Variants in LRP1B observed in about 807,000 individuals in gnomAD.
The protein encoded by LRP1B is low-density lipoprotein receptor-related protein 1B.
LRP1B carries 217 observed loss-of-function variants against 556.6 expected under a neutral mutation model. That is an observed-to-expected ratio of 0.39 (90% CI 0.35 to 0.44). LRP1B has a LOEUF of 0.44. Among genes scored for constraint, LRP1B ranks in the 20% least tolerant of loss-of-function variants. LRP1B has a pLI of 1.00. For missense variants in LRP1B, 5,053 were observed against 5,620.8 expected, an observed-to-expected ratio of 0.90 and a Z score of 3.23; for synonymous variants, 2,047 against 1,865.8, an observed-to-expected ratio of 1.10 and a Z score of -2.50.
chr2:141,991,190 T>C lies in LRP1B; in HGVS notation c.82+139458A>G, dbSNP rs575260302. 2.4e-4 allele frequency among the ~76,000 whole-genome samples: 36 copies of C among 152,174 alleles called. 2 individuals are homozygous for C. The highest frequency in any genetic ancestry group is 6.8e-3 in the Middle Eastern group (2 of 294). ...TTATGTTTATAGATCTTTTGGTCAT[T>C]ATGTAAATGTATTTGTAACACAAAC... On this transcript the variant is annotated intron_variant, in intron 1 of 90. Coordinates refer to ENST00000389484, the MANE Select transcript of LRP1B (RefSeq NM_018557.3).
chr2:140,317,435 G>C (rs1684571637), intron 82 of LRP1B, among the ~76,000 whole-genome samples: 3 of 151,586 alleles, frequency 2.0e-5, no homozygotes, highest in African/African-American at 4.9e-5. Flanking sequence ...GAAAAATTAA[G>C]GATGATTCTT....
intron 7 of LRP1B, among the ~76,000 whole-genome samples, chr2:141,140,965 G>A (rs557484439): frequency 6.6e-6 from 1 of 152,164 alleles, no homozygotes; most frequent in Non-Finnish European, 1.5e-5. Flanking sequence ...AACTGTGCTG[G>A]TCCTTCGAGG....
intron 1 of LRP1B, among the ~76,000 whole-genome samples, chr2:142,050,080 C>A (rs1321852908): frequency 6.6e-6 from 1 of 152,074 alleles, no homozygotes. Context: ...GAATAGCATG[C>A]TTATGCTTAT....
intron 31 of LRP1B, among the ~76,000 whole-genome samples, chr2:140,830,357 A>G (rs1691672525): frequency 6.6e-6 from 1 of 152,090 alleles, no homozygotes; most frequent in African/African-American, 2.4e-5. Context: ...CTTCAACAAA[A>G]TACTAACAAA....
At chr2:140,482,427 CTT>C (rs1688283443) in intron 59 of LRP1B, among the ~76,000 whole-genome samples, 1 of 152,000 alleles carries the variant, frequency 6.6e-6, no homozygotes, top group Admixed American at 6.6e-5. Flanking sequence ...TCTCTATTCT[CTT>C]TTAAAATGCT....
chr2:140,809,909 C>T (rs1391284986), intron 32 of LRP1B, among the ~76,000 whole-genome samples: 6 of 152,168 alleles, frequency 3.9e-5, no homozygotes, highest in Non-Finnish European at 2.9e-5. Context: ...GGCAAAGAAG[C>T]TCATGCTTTT....
chr2:140,955,810 G>A (rs1427821800), intron 18 of LRP1B, among the ~76,000 whole-genome samples: 2 of 151,568 alleles, frequency 1.3e-5, no homozygotes, highest in Non-Finnish European at 3.0e-5. Flanking sequence ...TCCCAGGAAG[G>A]TAGATTTCAA....
chr2:141,739,882 TTTTC>T (rs1693632036), intron 2 of LRP1B, among the ~76,000 whole-genome samples: 1 of 152,140 alleles, frequency 6.6e-6, no homozygotes, highest in Non-Finnish European at 1.5e-5. Context: ...TCAAGACTTA[TTTTC>T]TTTATGATAT....
chr2:141,651,972 A>G (rs903639637), intron 2 of LRP1B, among the ~76,000 whole-genome samples: 1 of 152,212 alleles, frequency 6.6e-6, no homozygotes, highest in African/African-American at 2.4e-5. Flanking sequence ...ACTAGTTTAA[A>G]TAATAGACCA....
intron 66 of LRP1B, among the ~76,000 whole-genome samples, chr2:140,439,178 A>G (rs937164555): frequency 1.3e-5 from 2 of 152,176 alleles, no homozygotes; most frequent in Admixed American, 1.3e-4. Flanking sequence ...AGGTGAAAAA[A>G]GTTTGAAGTT....
intron 21 of LRP1B, among the ~76,000 whole-genome samples, chr2:140,916,197 T>C (rs1338338970): frequency 6.6e-6 from 1 of 152,114 alleles, no homozygotes; most frequent in Non-Finnish European, 1.5e-5. Context: ...TAGGGCTGGT[T>C]CCAGAAAGAA....
intron 7 of LRP1B, among the ~76,000 whole-genome samples, chr2:141,145,415 A>T (rs1701756888): frequency 6.6e-6 from 1 of 152,174 alleles, no homozygotes; most frequent in African/African-American, 2.4e-5. Flanking sequence ...CATTGCATAT[A>T]CTATGTAATA....
intron 41 of LRP1B, among the ~76,000 whole-genome samples, chr2:140,601,889 A>G (rs1682687072): frequency 6.6e-6 from 1 of 152,068 alleles, no homozygotes; most frequent in Non-Finnish European, 1.5e-5. Flanking sequence ...AATAAAATTA[A>G]ATAATTGCCT....
chr2:141,702,308 A>G (rs570335140), intron 2 of LRP1B, among the ~76,000 whole-genome samples: 1 of 152,012 alleles, frequency 6.6e-6, no homozygotes, highest in South Asian at 2.1e-4. Context: ...TAAGGCAATA[A>G]GAATTTCTGG....
chr2:141,208,119 A>G (rs1302102667), intron 6 of LRP1B: 2 of 152,246 alleles, frequency 1.3e-5, no homozygotes. Flanking sequence ...CTGACTGAGA[A>G]TGTCTTTTAT....
Position 141,667,791 on chromosome 2 carries a change from CTA to C in LRP1B, c.205+142486_205+142487del, listed in dbSNP as rs963406032. ...TAAGCTCTCTGAGGATAGGGTATAC[CTA>C]TGTTTCCCTCCCTAATCACCAGCAT... On this transcript the variant is annotated intron_variant, in intron 2 of 90. Coordinates refer to ENST00000389484, the MANE Select transcript of LRP1B (RefSeq NM_018557.3). Among the ~76,000 whole-genome samples the C allele has an allele frequency of 1.6e-4, 24 of 152,182 alleles. 1 individual carries two copies. The highest frequency in any genetic ancestry group is 5.5e-4 in the African/African-American group (23 of 41,528).
chr2:140,325,985 G>T, intron 79 of LRP1B, 107 bp from the exon 80 acceptor site: 2 of 699,166 alleles, frequency 2.9e-6, no homozygotes, highest in Non-Finnish European at 4.9e-6. Flanking sequence ...TTGTCTTCAA[G>T]CATCATAGAA....
At chr2:141,268,696 T>C (rs1684979978) in intron 3 of LRP1B, among the ~76,000 whole-genome samples, 1 of 152,042 alleles carries the variant, frequency 6.6e-6, no homozygotes. Flanking sequence ...AAATGGGAAG[T>C]TACACCTCCT....
chr2:140,572,548 CA>C (rs1339963974), intron 43 of LRP1B, among the ~76,000 whole-genome samples: 1 of 151,176 alleles, frequency 6.6e-6, no homozygotes, highest in African/African-American at 2.4e-5. Context: ...ATAAAACAGC[CA>C]TTATGAAAAA....
Sources: gnomAD v4.1 joint callset for allele counts (sites outside exome capture counted in the v4.1 genomes callset) on GRCh38, gnomAD v4.1.1 for gene constraint, MANE v1.5 for transcripts, NCBI Gene and HGNC (gene_info 2026-07-23, HGNC 2026-07-21) for gene names.